The following SVEP1 variants were observed in gnomAD, a reference collection of about 807,000 sequenced individuals.
SVEP1 encodes the protein sushi, von Willebrand factor type A, EGF and pentraxin domain-containing protein 1.
A neutral mutation model predicts 367.3 loss-of-function variants in SVEP1; 164 were observed. The observed-to-expected ratio is 0.45, with a 90% CI of 0.39 to 0.51. The LOEUF (loss-of-function observed/expected upper bound fraction) is 0.51. Ranked by LOEUF, SVEP1 falls within the 20% of genes least tolerant of loss-of-function variation. The pLI is 0.00. For missense variants in SVEP1, 4,117 were observed against 4,425.3 expected (o/e 0.93, Z 1.98); for synonymous variants, 1,666 against 1,611.6 (o/e 1.03, Z -0.81).
chr9:110,416,999 G>C (rs1828132564), intron 36 of SVEP1, among the ~76,000 whole-genome samples: 1 of 152,040 alleles, frequency 6.6e-6, no homozygotes, highest in Admixed American at 6.5e-5. Flanking sequence ...TATTGTCCTT[G>C]ATTGAGGATC....
At chr9:110,415,440 G>A (rs964215851) in intron 36 of SVEP1, among the ~76,000 whole-genome samples, 1 of 152,010 alleles carries the variant, frequency 6.6e-6, no homozygotes, top group Non-Finnish European at 1.5e-5. Flanking sequence ...CCCAAGGGAG[G>A]AGACAGTTAA....
At chr9:110,564,118 A>T (rs1346141701) in intron 1 of SVEP1, among the ~76,000 whole-genome samples, 1 of 152,192 alleles carries the variant, frequency 6.6e-6, no homozygotes, top group East Asian at 1.9e-4. Context: ...ACGAGCTACG[A>T]AGAGAAGAAA....
intron 39 of SVEP1, among the ~76,000 whole-genome samples, chr9:110,403,174 C>G (rs529426221): frequency 6.6e-6 from 1 of 152,078 alleles, no homozygotes; most frequent in Non-Finnish European, 1.5e-5. Flanking sequence ...AACCCCAACT[C>G]CAGCAAGAGT....
chr9:110,557,000 C>G (rs936192525), intron 1 of SVEP1, among the ~76,000 whole-genome samples: 1 of 152,212 alleles, frequency 6.6e-6, no homozygotes, highest in African/African-American at 2.4e-5. Context: ...AAACAACACA[C>G]CATAAGCTAC....
chr9:110,506,847 AAGAGG>A lies in SVEP1; in HGVS notation c.1304-3635_1304-3631del, dbSNP rs369352638. ...AGGGGAAACATAGGTGGAGGAGATG[AAGAGG>A]AGAGGAGAGGAGAAGAGGAAGAGCA... On this transcript the variant is annotated intron_variant, in intron 5 of 47. Transcript: ENST00000374469. 1.1e-4 allele frequency among the ~76,000 whole-genome samples: 17 copies of A among 152,182 alleles called. No homozygotes were observed. The East Asian group carries it at 2.7e-3, about 24-fold the overall frequency.
intron 10 of SVEP1, among the ~76,000 whole-genome samples, chr9:110,483,024 C>T (rs767216058): frequency 3.9e-4 from 60 of 152,126 alleles, no homozygotes; most frequent in Non-Finnish European, 1.5e-4. Context: ...TTCTCAAAGT[C>T]CTTTGAGATG....
intron 38 of SVEP1, among the ~76,000 whole-genome samples, 178 bp from the exon 39 acceptor site, chr9:110,404,730 T>A (rs1295648784): frequency 6.6e-6 from 1 of 151,962 alleles, no homozygotes; most frequent in Non-Finnish European, 1.5e-5. Context: ...AACATAACAA[T>A]AACAACCAGT....
chr9:110,396,829 T>G (rs1222920849), intron 40 of SVEP1, among the ~76,000 whole-genome samples: 1 of 152,070 alleles, frequency 6.6e-6, no homozygotes, highest in African/African-American at 2.4e-5. Context: ...AATAACAGGC[T>G]CTGAAATTGA....
intron 36 of SVEP1, among the ~76,000 whole-genome samples, chr9:110,415,774 A>C (rs1223243470): frequency 6.6e-6 from 1 of 152,100 alleles, no homozygotes; most frequent in Non-Finnish European, 1.5e-5. Context: ...AGCTGACAAG[A>C]AAGGAAATTT....
At chr9:110,489,563 G>T in intron 9 of SVEP1, 87 bp downstream of exon 9, 1 of 1,334,668 alleles carries the variant, frequency 7.5e-7, no homozygotes, top group Non-Finnish European at 1.0e-6. Context: ...ACCTCCCACT[G>T]GGTCCTTCCC....
intron 24 of SVEP1, among the ~76,000 whole-genome samples, chr9:110,448,398 A>C (rs1828639711): frequency 6.6e-6 from 1 of 152,244 alleles, no homozygotes; most frequent in South Asian, 2.1e-4. Context: ...TGTTACTAGC[A>C]TGTCATACGA....
At chr9:110,405,677 C>T (rs1208019179) in intron 38 of SVEP1, among the ~76,000 whole-genome samples, 1 of 152,126 alleles carries the variant, frequency 6.6e-6, no homozygotes. Flanking sequence ...CTACTTTGTG[C>T]CAAGTGCTGC....
At chr9:110,525,785 A>T (rs997375870) in intron 3 of SVEP1, among the ~76,000 whole-genome samples, 50 of 152,008 alleles carry the variant, frequency 3.3e-4, no homozygotes, top group African/African-American at 9.9e-4. Context: ...TTACTTTTTT[A>T]AAAAAATTAT....
At chr9:110,488,867 G>C (rs1829325622) in intron 9 of SVEP1, among the ~76,000 whole-genome samples, 1 of 152,132 alleles carries the variant, frequency 6.6e-6, no homozygotes, top group Non-Finnish European at 1.5e-5. Flanking sequence ...GACGGAGTGA[G>C]ACCCTGTCTC....
intron 43 of SVEP1, among the ~76,000 whole-genome samples, chr9:110,383,562 G>GA (rs1217081041): frequency 8.3e-6 from 1 of 119,834 alleles, no homozygotes; most frequent in African/African-American, 3.2e-5. Context: ...TGTTGTGGGG[G>GA]GGTCTCATCC....
chr9:110,560,973 C>T (rs1008425946), intron 1 of SVEP1, among the ~76,000 whole-genome samples: 1 of 152,120 alleles, frequency 6.6e-6, no homozygotes, highest in East Asian at 1.9e-4. Flanking sequence ...TGTCTTTAAA[C>T]TTCCAATGTT....
chr9:110,478,377 T>C (rs1386003145), intron 13 of SVEP1, among the ~76,000 whole-genome samples: 1 of 152,254 alleles, frequency 6.6e-6, no homozygotes, highest in Non-Finnish European at 1.5e-5. Flanking sequence ...TCTAAATCCC[T>C]AGTGTCTAGA....
In SVEP1 at chr9:110,376,995, T is replaced by C. The variant is rs1384614814; in HGVS notation, c.10504+276A>G. Reference sequence around the variant, plus strand: ...AGGGAAGAGGATAGCTTGGAGACTTTACAACAAGCTCCTTCTCAAGAAGAC... The same window carrying C: ...AGGGAAGAGGATAGCTTGGAGACTTCACAACAAGCTCCTTCTCAAGAAGAC... On this transcript the variant is annotated intron_variant, in intron 45 of 47. Transcript: ENST00000374469. The C allele has an allele frequency of 3.9e-5, 12 of 307,626 alleles. No homozygotes were observed. In the Admixed American group the frequency reaches 4.8e-4, roughly 12 times the overall value. The allele number at this position is 307,626 out of a possible 1,614,324, so 19.1% of individuals were successfully genotyped here.
chr9:110,558,246 C>T (rs1490613439), intron 1 of SVEP1, among the ~76,000 whole-genome samples: 1 of 149,610 alleles, frequency 6.7e-6, no homozygotes, highest in Non-Finnish European at 1.5e-5. Context: ...GTGGCTCACA[C>T]CTGTAATCCC....
Sources: gnomAD v4.1 joint callset for allele counts (sites outside exome capture counted in the v4.1 genomes callset) on GRCh38, gnomAD v4.1.1 for gene constraint, MANE v1.5 for transcripts, NCBI Gene and HGNC (gene_info 2026-07-23, HGNC 2026-07-21) for gene names.